Variants in ITSN1 observed in about 807,000 individuals in gnomAD.
The protein encoded by ITSN1 is intersectin-1.
ITSN1 carries 58 observed loss-of-function variants against 239.8 expected under a neutral mutation model. That is an observed-to-expected ratio of 0.24 (90% CI 0.20 to 0.30). ITSN1 has a LOEUF of 0.30. Ranked by LOEUF, ITSN1 falls within the 10% of genes least tolerant of loss-of-function variation. The pLI is 1.00. For synonymous variants in ITSN1, 780 were observed against 770.8 expected (o/e 1.01, Z -0.20); for missense variants, 1,558 against 2,103.3 (o/e 0.74, Z 5.07).
At chr21:33,661,930 A>G (rs1017205528) in intron 1 of ITSN1, among the ~76,000 whole-genome samples, 1 of 151,894 alleles carries the variant, frequency 6.6e-6, no homozygotes, top group African/African-American at 2.4e-5. Context: ...TCTCGGTGAA[A>G]ATGAACTAAT....
In ITSN1 at chr21:33,819,293, C is replaced by G; in HGVS notation, c.2986C>G (p.Pro996Ala). 1.9e-6 allele frequency: 3 copies of G among 1,614,054 alleles called. No homozygotes were observed. The highest frequency in any genetic ancestry group is 2.5e-6 in the Non-Finnish European group (3 of 1,179,946). The change falls in exon 24 of 40, where the codon CCA (proline) becomes GCA (alanine). Residue 996 changes from proline to alanine, a missense_variant. Physicochemically the swap from Pro to Ala is conservative, Grantham distance 27. This residue lies in a region of ITSN1 where 982 missense variants were observed against 1,209.9 expected (regional missense o/e 0.81). Coordinates refer to ENST00000381318, the MANE Select transcript of ITSN1 (RefSeq NM_003024.3). ...TGCTAGTCTAAAGCGAGTAGCCTCT[C>G]CAGCAGCCAAGCCGGTCGTTTCGGG... is the stretch of plus-strand genomic sequence containing the variant. ...SPASLKRVAS[P>A]AAKPVVSGEE...
intron 25 of ITSN1, among the ~76,000 whole-genome samples, 199 bp downstream of exon 25, chr21:33,823,852 A>G (rs1324898525): frequency 6.6e-6 from 1 of 152,162 alleles, no homozygotes; most frequent in East Asian, 1.9e-4. Flanking sequence ...GCAGAATGCC[A>G]TCAGGGCTAA....
intron 29 of ITSN1, among the ~76,000 whole-genome samples, chr21:33,856,422 C>T (rs1286115062): frequency 6.6e-6 from 1 of 152,198 alleles, no homozygotes; most frequent in Non-Finnish European, 1.5e-5. Context: ...GGAAACACAT[C>T]ACTCCAGGTT....
At position 33,834,572 on chromosome 21, in the gene ITSN1, TG is replaced by T. The variant is rs2074491373; in HGVS notation, c.3469+149del. Reference sequence around the variant, plus strand: ...TGCTGGGACTGACACCCAACTAATGTGATATGGAATATGTCTTTCAAAAGGA... The same window carrying T: ...TGCTGGGACTGACACCCAACTAATGTATATGGAATATGTCTTTCAAAAGGA... On this transcript the variant is annotated intron_variant, in intron 28 of 39. Coordinates refer to ENST00000381318, the MANE Select transcript of ITSN1 (RefSeq NM_003024.3). The T allele has an allele frequency of 4.6e-6, 3 of 652,458 alleles. No individual in the cohort carries two copies. The Admixed American group carries it at 7.7e-5, about 17-fold the overall frequency. 40.4% of individuals were successfully genotyped at this position (652,458 alleles called of 1,614,324 possible). A position where few individuals can be genotyped will look rare whatever the true frequency, so the allele number is the denominator to read the frequency against.
intron 20 of ITSN1, among the ~76,000 whole-genome samples, chr21:33,809,676 G>T (rs1057265548): frequency 6.6e-6 from 1 of 152,122 alleles, no homozygotes; most frequent in Non-Finnish European, 1.5e-5. Context: ...TTTCTAAGAA[G>T]CAACTTTAAT....
In ITSN1 at chr21:33,778,709, G is replaced by T. The variant is rs1363083654; in HGVS notation, c.1597-2752G>T. Among the ~76,000 whole-genome samples, 26 of 141,006 alleles carry T rather than the reference G, an allele frequency of 1.8e-4. 1 individual carries two copies. Among genetic ancestry groups the T allele is most frequent in the African/African-American group, 7.3e-4 (26 of 35,416 alleles). The allele number at this position is 141,006 out of a possible 152,430, so 92.5% of individuals were successfully genotyped here. A position where few individuals can be genotyped will look rare whatever the true frequency, so the allele number is the denominator to read the frequency against. The stretch of plus-strand genomic sequence containing the variant: ...TTCTCCTGCCTCAGCCTCCCAAGTA[G>T]CTGGGACTACAGGCGCCCGCCACTA... On this transcript the variant is annotated intron_variant, in intron 14 of 39. Coordinates refer to ENST00000381318, the MANE Select transcript of ITSN1 (RefSeq NM_003024.3).
chr21:33,706,420 G>GTCATA (rs1364044390), intron 1 of ITSN1, among the ~76,000 whole-genome samples: 1 of 150,938 alleles, frequency 6.6e-6, no homozygotes, highest in Non-Finnish European at 1.5e-5. Flanking sequence ...TTGTTACTTG[G>GTCATA]TCATAAAGGT....
intron 7 of ITSN1, among the ~76,000 whole-genome samples, chr21:33,752,805 T>G (rs928829121): frequency 6.6e-5 from 10 of 151,000 alleles, no homozygotes; most frequent in Non-Finnish European, 4.4e-5. Flanking sequence ...CACTGCACTC[T>G]TGCCTGGGTG....
In ITSN1 at chr21:33,686,629, C is replaced by T. The variant is rs1385252843; in HGVS notation, c.-32-32168C>T. On this transcript the variant is annotated intron_variant, in intron 1 of 39. Transcript: ENST00000381318. The stretch of plus-strand genomic sequence containing the variant: ...TGTGACCAGCCAGTGTGAATCAGTT[C>T]GTCTATTGCCTGGCTTTCTTGAGCT... 3.9e-5 allele frequency among the ~76,000 whole-genome samples: 6 copies of T among 152,244 alleles called. No individual in the cohort carries two copies. In the South Asian group the frequency reaches 8.3e-4, roughly 21 times the overall value.
intron 10 of ITSN1, 53 bp downstream of exon 10, chr21:33,766,065 A>G: frequency 1.3e-6 from 2 of 1,596,470 alleles, no homozygotes; most frequent in Non-Finnish European, 1.7e-6. Context: ...ATGAATTCCA[A>G]ACTTGGCTTT....
intron 4 of ITSN1, among the ~76,000 whole-genome samples, chr21:33,729,305 C>T (rs562600831): frequency 6.6e-6 from 1 of 151,778 alleles, no homozygotes; most frequent in East Asian, 1.9e-4. Context: ...AAAAAATTAT[C>T]CAGGTATGGT....
At chr21:33,665,551 G>T (rs575383696) in intron 1 of ITSN1, among the ~76,000 whole-genome samples, 34 of 152,242 alleles carry the variant, frequency 2.2e-4, no homozygotes, top group African/African-American at 7.9e-4. Flanking sequence ...ATGTAGCATG[G>T]TGCCACAGCT....
intron 29 of ITSN1, among the ~76,000 whole-genome samples, chr21:33,844,509 C>T (rs1435385534): frequency 6.6e-6 from 1 of 152,140 alleles, no homozygotes; most frequent in Non-Finnish European, 1.5e-5. Flanking sequence ...CTAGACATGC[C>T]GGCTGCTGGA....
At chr21:33,643,220 C>T (rs2087586338) in intron 1 of ITSN1, among the ~76,000 whole-genome samples, 1 of 151,840 alleles carries the variant, frequency 6.6e-6, no homozygotes, top group African/African-American at 2.4e-5. Context: ...CGCTCGCAAG[C>T]CTGCAGAATC....
chr21:33,842,495 G>GGTGTGTGTGTGTGTGT (rs34019939), intron 29 of ITSN1, among the ~76,000 whole-genome samples: 15 of 148,168 alleles, frequency 1.0e-4, no homozygotes, highest in African/African-American at 3.5e-4. Flanking sequence ...TGATGTCAAC[G>GGTGTGTGTGTGTGTGT]GTGTGTGTGT....
chr21:33,719,889 T>C (rs992843757), intron 2 of ITSN1, among the ~76,000 whole-genome samples: 3 of 152,246 alleles, frequency 2.0e-5, no homozygotes, highest in African/African-American at 7.2e-5. Flanking sequence ...AAAATACTTA[T>C]TAAAAAGTAC....
chr21:33,769,949 G>T lies in ITSN1; in HGVS notation c.1043-2112G>T, dbSNP rs568163463. ...GACTTTAGGTGATCCACCCACCTTG[G>T]CCTCCCAAAAAGTGTTGGGATTACA... On this transcript the variant is annotated intron_variant, in intron 11 of 39. Coordinates refer to ENST00000381318, the MANE Select transcript of ITSN1 (RefSeq NM_003024.3). Among the ~76,000 whole-genome samples the T allele has an allele frequency of 3.9e-5, 6 of 152,092 alleles. No individual in the cohort carries two copies. The East Asian group carries it at 1.2e-3, about 29-fold the overall frequency.
At chr21:33,782,822 G>A (rs559654628) in intron 16 of ITSN1, among the ~76,000 whole-genome samples, 47 of 151,970 alleles carry the variant, frequency 3.1e-4, no homozygotes, top group African/African-American at 9.7e-4. Context: ...TCAGGAGATC[G>A]AGACCATCCT....
chr21:33,810,863 A>G (rs1483918234), intron 20 of ITSN1, 112 bp from the exon 21 acceptor site: 4 of 1,176,330 alleles, frequency 3.4e-6, no homozygotes, highest in South Asian at 1.2e-5. Context: ...AGAGATTCCT[A>G]TGCCATATGT....
Sources: gnomAD v4.1 joint callset for allele counts (sites outside exome capture counted in the v4.1 genomes callset) on GRCh38, gnomAD v4.1.1 for gene constraint, gnomAD v4.1.1 regional missense constraint, MANE v1.5 for transcripts, NCBI Gene and HGNC (gene_info 2026-07-23, HGNC 2026-07-21) for gene names.